NEIL1: variants seen among roughly 807,000 people sequenced by gnomAD.
NEIL1 encodes the protein nei like DNA glycosylase 1.
A neutral mutation model predicts 44.2 loss-of-function variants in NEIL1; 31 were observed. The observed-to-expected ratio is 0.70, with a 90% CI of 0.53 to 0.95. NEIL1 has a LOEUF of 0.95. NEIL1 is among the 40% of genes least tolerant of loss of function. NEIL1 has a pLI of 0.00. For missense variants in NEIL1, 549 were observed against 515.5 expected, an observed-to-expected ratio of 1.07 and a Z score of -0.63; for synonymous variants, 254 against 209.7, an observed-to-expected ratio of 1.21 and a Z score of -1.83.
rs5745912 is a variant in NEIL1 at position 75,350,105 on chromosome 15, C to G, written c.434+766C>G. On this transcript the variant is annotated intron_variant, in intron 2 of 9. Transcript: ENST00000355059. ...TCCCACATCCGGCCTGCCCAGTATTCTGTGTCCTGTGGTCTCCTCTGCGCC... is the reference window on the plus strand; with the variant it reads ...TCCCACATCCGGCCTGCCCAGTATTGTGTGTCCTGTGGTCTCCTCTGCGCC... Among the ~76,000 whole-genome samples the G allele has an allele frequency of 3.3e-3, 503 of 152,370 alleles. 2 individuals are homozygous for G. Among genetic ancestry groups the G allele is most frequent in the Non-Finnish European group, 5.5e-3 (375 of 68,040 alleles).
In NEIL1 at chr15:75,354,442, C is replaced by A. The variant is rs373356672; in HGVS notation, c.886C>A (p.Arg296Ser). 1 of 1,614,134 alleles carries A rather than the reference C, an allele frequency of 6.2e-7. No individual in the cohort carries two copies. The highest frequency in any genetic ancestry group is 1.1e-5 in the South Asian group (1 of 91,084). The part of the protein sequence containing the change: ...GPLAPKGRKS[R>S]KKKSKATQLS... ...CCAGTGTCCTGCAGGGCGCAAGTCC[C>A]GCAAAAAGAAATCCAAGGCCACACA... Residue 296 changes from arginine to serine, a missense_variant, in exon 8 of 10, where the codon CGC (arginine) becomes AGC (serine). Physicochemically the swap from Arg to Ser is moderately radical, Grantham distance 110 (BLOSUM62 -1). Coordinates refer to ENST00000355059, the MANE Select transcript of NEIL1 (RefSeq NM_024608.4).
intron 1 of NEIL1, 22 bp from the exon 2 acceptor site, chr15:75,348,862 C>CCGCT: frequency 6.3e-7 from 1 of 1,594,786 alleles, no homozygotes; most frequent in Non-Finnish European, 8.5e-7. Context: ...CGGGCTCAAC[C>CCGCT]CGCTGCCTTC....
chr15:75,356,906 G>T lies in NEIL1; in HGVS notation c.*1872G>T. Reference sequence around the variant, plus strand: ...CCATCCAGCGATGGGCCCACACCTGGAGGGCAGATCCAAGACCCACTTGGT... The same window carrying T: ...CCATCCAGCGATGGGCCCACACCTGTAGGGCAGATCCAAGACCCACTTGGT... On this transcript the variant is annotated 3_prime_UTR_variant, in exon 10 of 10. Coordinates refer to ENST00000355059, the MANE Select transcript of NEIL1 (RefSeq NM_024608.4). This position sits in a 1 kb window ranked among gnomAD's most constrained non-coding sequence, Gnocchi z 5.8. 1 of 1,613,554 alleles carries T rather than the reference G, an allele frequency of 6.2e-7. No homozygotes were observed. Among genetic ancestry groups the T allele is most frequent in the Non-Finnish European group, 8.5e-7 (1 of 1,179,602 alleles).
At position 75,352,587 on chromosome 15, in the gene NEIL1, C is replaced by A. The variant is rs1457179657; in HGVS notation, c.619-15C>A. On this transcript the variant is annotated splice_polypyrimidine_tract_variant and intron_variant, in intron 4 of 9. Transcript: ENST00000355059. ...CCCTGCTGACAGACAGGTCCTGCCCCTGCCCCTTCCTCAGAGCCCGGAGCT... is the reference window on the plus strand; with the variant it reads ...CCCTGCTGACAGACAGGTCCTGCCCATGCCCCTTCCTCAGAGCCCGGAGCT... 2 of 1,610,078 alleles carry A rather than the reference C, an allele frequency of 1.2e-6. No individual in the cohort carries two copies. The highest frequency in any genetic ancestry group is 1.3e-5 in the African/African-American group (1 of 74,760).
At position 75,356,739 on chromosome 15, in the gene NEIL1, G is replaced by A. The variant is rs772511825; in HGVS notation, c.*1705G>A. The A allele has an allele frequency of 4.2e-5, 68 of 1,611,908 alleles. No homozygotes were observed. Among genetic ancestry groups the A allele is most frequent in the Admixed American group, 1.2e-4 (7 of 59,978 alleles). ...CGCTGAAGCTGTTGGAGTTGTGGTC[G>A]GGAAGACCCATTTCTCCATGCCAGC... On this transcript the variant is annotated 3_prime_UTR_variant, in exon 10 of 10. Coordinates refer to ENST00000355059, the MANE Select transcript of NEIL1 (RefSeq NM_024608.4). This position sits in a 1 kb window ranked among gnomAD's most constrained non-coding sequence, Gnocchi z 5.8.
rs377425852 is a variant in NEIL1 at position 75,349,018 on chromosome 15, T to C, written c.113T>C (p.Val38Ala). Residue 38 changes from valine to alanine, a missense_variant, in exon 2 of 10, where the codon GTG becomes GCG. Coordinates refer to ENST00000355059, the MANE Select transcript of NEIL1 (RefSeq NM_024608.4). ...EKSSVSRNPE[V>A]PFESSAYRIS... is the part of the protein sequence containing the mutation. ...TCCTCTGTCAGCCGCAACCCTGAGG[T>C]GCCCTTTGAGAGCAGTGCCTACCGC... 6.2e-7 allele frequency: 1 copy of C among 1,613,762 alleles called. No individual in the cohort carries two copies. Among genetic ancestry groups the C allele is most frequent in the Non-Finnish European group, 8.5e-7 (1 of 1,180,016 alleles).
chr15:75,349,385 CCTGA>C, intron 2 of NEIL1, 46 bp downstream of exon 2: 1 of 1,533,724 alleles, frequency 6.5e-7, no homozygotes, highest in South Asian at 1.2e-5. Flanking sequence ...GGGCTCCACA[CCTGA>C]CTCTCTTAGT....
At chr15:75,353,933 A>G (rs2072136680) in intron 6 of NEIL1, 67 bp downstream of exon 6, 1 of 1,591,186 alleles carries the variant, frequency 6.3e-7, no homozygotes, top group Non-Finnish European at 8.6e-7. Context: ...TGGGGTCACA[A>G]TAACTGGGGT....
Position 75,353,947 on chromosome 15 carries a change from G to A in NEIL1, c.846+81G>A, listed in dbSNP as rs1027816378. 7 of 1,560,814 alleles carry A rather than the reference G, an allele frequency of 4.5e-6. No individual in the cohort carries two copies. In the Admixed American group the frequency reaches 1.2e-4, roughly 26 times the overall value. ...GTGGGGTCACAATAACTGGGGTGGT[G>A]ATGCTCAGGGTCTGTCTAGACCCTC... On this transcript the variant is annotated intron_variant, in intron 6 of 9. Transcript: ENST00000355059.
intron 5 of NEIL1, chr15:75,352,909 T>A: frequency 1.9e-6 from 1 of 518,050 alleles, no homozygotes; most frequent in Non-Finnish European, 3.5e-6. Context: ...GGAGGCCGAG[T>A]GGGGTGGCTC....
rs774156105 is a variant in NEIL1, at chr15:75,356,680, C to T, written c.*1646C>T. 7.3e-5 allele frequency: 117 copies of T among 1,594,700 alleles called. No individual in the cohort carries two copies. The highest frequency in any genetic ancestry group is 1.7e-4 in the Middle Eastern group (1 of 5,856). On this transcript the variant is annotated 3_prime_UTR_variant, in exon 10 of 10. Coordinates refer to ENST00000355059, the MANE Select transcript of NEIL1 (RefSeq NM_024608.4). This position sits in a 1 kb window ranked among gnomAD's most constrained non-coding sequence, Gnocchi z 5.8. ...AGTAGCGTCCGGGGCTTTAGGCGCCCGCAAGCTGGGGTGAGGAGGGCGCGT... is the reference window on the plus strand; with the variant it reads ...AGTAGCGTCCGGGGCTTTAGGCGCCTGCAAGCTGGGGTGAGGAGGGCGCGT...
At position 75,354,649 on chromosome 15, in the gene NEIL1, C is replaced by G. The variant is rs748380212; in HGVS notation, c.937-4C>G. ...CCTCAGGGACCCGTGTCTCCTCCAT[C>G]CAGGACGCTTTGCCTCCAAGCAAGG... On this transcript the variant is annotated splice_region_variant and splice_polypyrimidine_tract_variant and intron_variant, in intron 8 of 9. Transcript: ENST00000355059. 6.2e-7 allele frequency: 1 copy of G among 1,614,102 alleles called. No homozygotes were observed. Among genetic ancestry groups the G allele is most frequent in the Non-Finnish European group, 8.5e-7 (1 of 1,179,986 alleles).
intron 5 of NEIL1, chr15:75,352,938 G>A (rs5745919): frequency 5.7e-5 from 26 of 454,448 alleles, no homozygotes; most frequent in African/African-American, 1.4e-4. Flanking sequence ...TCAGGAGTTC[G>A]AGACCATCCT....
intron 2 of NEIL1, chr15:75,351,274 C>CT (rs11422837): frequency 0.28 from 97,614 of 346,984 alleles, 10,978 homozygotes; most frequent in East Asian, 0.31. Flanking sequence ...CCTCATGTTG[C>CT]TTTTTTTTTT....
At chr15:75,353,362 C>T in intron 5 of NEIL1, 1 of 329,734 alleles carries the variant, frequency 3.0e-6, no homozygotes, top group East Asian at 7.5e-5. Context: ...GCTAGGACTA[C>T]AGGCTCACAC....
rs143453133 is a variant in NEIL1 at position 75,354,659 on chromosome 15, T to C, written c.943T>C (p.Leu315=). 22 of 1,613,848 alleles carry C rather than the reference T, an allele frequency of 1.4e-5. No homozygotes were observed. Among genetic ancestry groups the C allele is most frequent in the Middle Eastern group, 1.6e-4 (1 of 6,084 alleles). ...LSPEDRVEDA[L]PPSKAPSRTR... ...CCGTGTCTCCTCCATCCAGGACGCT[T>C]TGCCTCCAAGCAAGGCCCCTTCCAG... The change falls in exon 9 of 10, where the codon TTG becomes CTG. Residue 315 remains leucine, a synonymous_variant. Transcript: ENST00000355059.
rs199706127 is a variant in NEIL1, at chr15:75,355,898, C to T, written c.*864C>T. 1.9e-3 allele frequency: 3,130 copies of T among 1,614,126 alleles called. 72 individuals carry two copies. In the South Asian group the frequency reaches 0.032, roughly 17 times the overall value. ...GCCTTCTACAAACAAAACCCCAGCCCCAGGGACTCAGTGTGGCGGAGGCTG... is the reference window on the plus strand; with the variant it reads ...GCCTTCTACAAACAAAACCCCAGCCTCAGGGACTCAGTGTGGCGGAGGCTG... On this transcript the variant is annotated 3_prime_UTR_variant, in exon 10 of 10. Transcript: ENST00000355059.
chr15:75,348,991 A>C lies in NEIL1; in HGVS notation c.86A>C (p.Lys29Thr). The part of the protein sequence containing the change: ...RALVFGGCVE[K>T]SSVSRNPEVP... ...CTGGTGTTCGGCGGCTGCGTGGAGA[A>C]GTCCTCTGTCAGCCGCAACCCTGAG... The change falls in exon 2 of 10, where the codon AAG becomes ACG. Residue 29 changes from lysine (K) to threonine (T), a missense_variant. By Grantham distance (78) the Lys-to-Thr change is moderately conservative. Coordinates refer to ENST00000355059, the MANE Select transcript of NEIL1 (RefSeq NM_024608.4). 6.2e-7 allele frequency: 1 copy of C among 1,613,752 alleles called. No individual in the cohort carries two copies.
rs1271108514 is a variant in NEIL1, at chr15:75,347,366, C to T, written c.-130C>T. On this transcript the variant is annotated 5_prime_UTR_variant, in exon 1 of 10. Coordinates refer to ENST00000355059, the MANE Select transcript of NEIL1 (RefSeq NM_024608.4). ...ACCCTGTCCCACGCTAGCTGGGTGACTTCCCCCAACCGCAGAGACAGCGGC... is the reference window on the plus strand; with the variant it reads ...ACCCTGTCCCACGCTAGCTGGGTGATTTCCCCCAACCGCAGAGACAGCGGC... The T allele has an allele frequency of 6.6e-6, 1 of 152,302 alleles. No homozygotes were observed. Among genetic ancestry groups the T allele is most frequent in the African/African-American group, 2.4e-5 (1 of 41,470 alleles). 9.4% of individuals were successfully genotyped at this position (152,302 alleles called of 1,614,324 possible). A position where few individuals can be genotyped will look rare whatever the true frequency, so the allele number is the denominator to read the frequency against.
Sources: allele counts gnomAD v4.1 joint callset (sites outside exome capture counted in the v4.1 genomes callset), GRCh38; gene constraint gnomAD v4.1.1; non-coding constraint Gnocchi (gnomAD v3.1); transcripts MANE v1.5; gene names NCBI Gene and HGNC (gene_info 2026-07-23, HGNC 2026-07-21).